The following SRGAP1 variants were observed in gnomAD, a reference collection of about 807,000 sequenced individuals.
SRGAP1 encodes SLIT-ROBO Rho GTPase-activating protein 1.
A neutral mutation model predicts 121.9 loss-of-function variants in SRGAP1; 43 were observed. That is an observed-to-expected ratio of 0.35 (90% CI 0.28 to 0.46). SRGAP1 has a LOEUF of 0.46. Among genes scored for constraint, SRGAP1 ranks in the 20% least tolerant of loss-of-function variants. The probability of loss-of-function intolerance (pLI) is 1.00; values close to 1 mark genes in which losing one functional copy is unlikely to be tolerated. For missense variants in SRGAP1, 1,102 were observed against 1,350.9 expected (o/e 0.82, Z 2.89); for synonymous variants, 447 against 485.4 (o/e 0.92, Z 1.04).
chr12:64,152,266 A>G lies in SRGAP1; in HGVS notation c.*9594A>G, dbSNP rs1030863702. On this transcript the variant is annotated 3_prime_UTR_variant, in exon 22 of 22. Coordinates refer to ENST00000355086, the MANE Select transcript of SRGAP1 (RefSeq NM_020762.4). The stretch of plus-strand genomic sequence containing the variant: ...ATCCGTAAGAAAATTAAGCCGCAGG[A>G]GTTAAACACTTGCCCTGGTCACACA... 2 of 152,280 alleles carry G rather than the reference A, an allele frequency of 1.3e-5. No individual in the cohort carries two copies. Among genetic ancestry groups the G allele is most frequent in the Middle Eastern group, 3.4e-3 (1 of 292 alleles). 9.4% of individuals were successfully genotyped at this position (152,280 alleles called of 1,614,324 possible).
intron 16 of SRGAP1, among the ~76,000 whole-genome samples, chr12:64,110,744 G>A (rs1354148060): frequency 6.6e-6 from 1 of 152,074 alleles, no homozygotes; most frequent in East Asian, 1.9e-4. Flanking sequence ...AAAAAATATT[G>A]TGTGTTTGAG....
rs897635048 is a variant in SRGAP1 at position 64,043,392 on chromosome 12, T to G, written c.673-55T>G. On this transcript the variant is annotated intron_variant, in intron 5 of 21. Transcript: ENST00000355086. ...AAAAATGCATGTATGTTTCTCTGTC[T>G]TGATTAAAAATGACTTTGCATTCTT... The G allele has an allele frequency of 1.4e-5, 21 of 1,550,802 alleles. No homozygotes were observed. The African/African-American group carries it at 2.9e-4, about 21-fold the overall frequency.
chr12:64,097,222 GT>G lies in SRGAP1; in HGVS notation c.1679-3del, dbSNP rs750731050. 0.17 allele frequency: 217,193 copies of G among 1,307,624 alleles called. 18 individuals are homozygous for G. The highest frequency in any genetic ancestry group is 0.2 in the Middle Eastern group (933 of 4,614). The allele number at this position is 1,307,624 out of a possible 1,614,324, so 81.0% of individuals were successfully genotyped here. Reference sequence around the variant, plus strand: ...AAAAGAAGCACTGTTAATGTAATGAGTTTTTTTTTTTTTTTTAGGTGAAAAT... The same window carrying G: ...AAAAGAAGCACTGTTAATGTAATGAGTTTTTTTTTTTTTTTAGGTGAAAAT... On this transcript the variant is annotated intron_variant, in intron 14 of 21. Coordinates refer to ENST00000355086, the MANE Select transcript of SRGAP1 (RefSeq NM_020762.4).
chr12:64,074,071 C>T (rs1288460442), intron 8 of SRGAP1, among the ~76,000 whole-genome samples: 1 of 152,296 alleles, frequency 6.6e-6, no homozygotes, highest in East Asian at 1.9e-4. Context: ...CCCTCCAGAG[C>T]AAAAGAAGCT....
intron 1 of SRGAP1, among the ~76,000 whole-genome samples, chr12:63,866,974 T>A (rs1775230646): frequency 6.6e-6 from 1 of 151,990 alleles, no homozygotes; most frequent in Non-Finnish European, 1.5e-5. Flanking sequence ...ACTCAACTGA[T>A]CCTCCCACCT....
Position 64,150,037 on chromosome 12 carries a change from A to G in SRGAP1, c.*7365A>G, listed in dbSNP as rs1457916925. The G allele has an allele frequency of 1.3e-5, 2 of 152,234 alleles. No individual in the cohort carries two copies. Among genetic ancestry groups the G allele is most frequent in the Non-Finnish European group, 1.5e-5 (1 of 68,050 alleles). 9.4% of individuals were successfully genotyped at this position (152,234 alleles called of 1,614,324 possible). ...TTATCTGTTTCTACATAGTAAATAG[A>G]AAACTTGCCTTCTATAATAAAAACA... On this transcript the variant is annotated 3_prime_UTR_variant, in exon 22 of 22. Coordinates refer to ENST00000355086, the MANE Select transcript of SRGAP1 (RefSeq NM_020762.4).
intron 4 of SRGAP1, among the ~76,000 whole-genome samples, chr12:64,027,745 G>T (rs1302051918): frequency 1.3e-5 from 2 of 152,058 alleles, no homozygotes; most frequent in African/African-American, 2.4e-5. Flanking sequence ...ATTAACAAAG[G>T]CCTCTTATTT....
At chr12:63,856,366 T>G (rs1262405041) in intron 1 of SRGAP1, among the ~76,000 whole-genome samples, 1 of 152,194 alleles carries the variant, frequency 6.6e-6, no homozygotes, top group Non-Finnish European at 1.5e-5. Context: ...TTATATTTGG[T>G]GTTTAAATAA....
At chr12:63,975,586 G>A (rs770885361) in intron 1 of SRGAP1, among the ~76,000 whole-genome samples, 7 of 151,676 alleles carry the variant, frequency 4.6e-5, no homozygotes, top group South Asian at 2.1e-4. Context: ...GACATTTTAC[G>A]TTCTTTTTTT....
At chr12:64,123,103 TGTGTTG>T (rs2036628986) in intron 18 of SRGAP1, among the ~76,000 whole-genome samples, 1 of 152,156 alleles carries the variant, frequency 6.6e-6, no homozygotes, top group Non-Finnish European at 1.5e-5. Context: ...TACTGTATCA[TGTGTTG>T]GTATCTTTTA....
intron 1 of SRGAP1, 143 bp downstream of exon 1, chr12:63,845,026 C>G: frequency 2.5e-6 from 2 of 791,922 alleles, no homozygotes; most frequent in South Asian, 3.1e-5. Context: ...CCTGGGCTTC[C>G]TACAAGCCAG....
At chr12:64,026,408 T>TA (rs1436090482) in intron 4 of SRGAP1, among the ~76,000 whole-genome samples, 2 of 152,162 alleles carry the variant, frequency 1.3e-5, no homozygotes, top group Non-Finnish European at 2.9e-5. Flanking sequence ...AATAGAAATG[T>TA]AAAAAATCAT....
chr12:64,005,906 A>AC (rs1320159872), intron 3 of SRGAP1, among the ~76,000 whole-genome samples: 6 of 152,156 alleles, frequency 3.9e-5, no homozygotes, highest in Admixed American at 2.0e-4. Context: ...TCTATTGATA[A>AC]CCTTTATGTG....
At chr12:63,990,206 A>G (rs2033516124) in intron 3 of SRGAP1, 134 bp downstream of exon 3, 1 of 717,696 alleles carries the variant, frequency 1.4e-6, no homozygotes, top group African/African-American at 1.8e-5. Context: ...GTTAAAAATT[A>G]GATGAATGGA....
intron 3 of SRGAP1, among the ~76,000 whole-genome samples, chr12:64,005,490 T>C (rs1255603100): frequency 1.3e-5 from 2 of 151,894 alleles, no homozygotes; most frequent in East Asian, 1.9e-4. Context: ...AAAATAAAAA[T>C]TAAAAAATAG....
intron 1 of SRGAP1, among the ~76,000 whole-genome samples, chr12:63,863,953 C>T (rs904501711): frequency 2.0e-5 from 3 of 152,128 alleles, no homozygotes; most frequent in Non-Finnish European, 2.9e-5. Context: ...TATTTGAATA[C>T]GGTTTGAACC....
intron 8 of SRGAP1, among the ~76,000 whole-genome samples, chr12:64,069,209 G>A (rs2035596891): frequency 6.6e-6 from 1 of 152,000 alleles, no homozygotes; most frequent in African/African-American, 2.4e-5. Flanking sequence ...CATTTTCATG[G>A]CTTGCCTGGC....
At chr12:63,875,463 A>G (rs1565931016) in intron 1 of SRGAP1, among the ~76,000 whole-genome samples, 1 of 152,132 alleles carries the variant, frequency 6.6e-6, no homozygotes. Context: ...ACAAAATTGC[A>G]CAGTGTTAAA....
intron 8 of SRGAP1, among the ~76,000 whole-genome samples, chr12:64,071,703 T>C (rs1267380965): frequency 6.6e-6 from 1 of 152,208 alleles, no homozygotes; most frequent in East Asian, 1.9e-4. Context: ...CTGAGAGTCC[T>C]GAGCAACAAT....
Sources: allele counts gnomAD v4.1 joint callset (sites outside exome capture counted in the v4.1 genomes callset), GRCh38; gene constraint gnomAD v4.1.1; transcripts MANE v1.5; gene names NCBI Gene and HGNC (gene_info 2026-07-23, HGNC 2026-07-21).